PSMA8: variants seen among roughly 807,000 people sequenced by gnomAD.
PSMA8 encodes proteasome subunit alpha-type 8.
Under a neutral mutation model 32.4 loss-of-function variants are expected in PSMA8, and 18 were observed. That is an observed-to-expected ratio of 0.56 (90% CI 0.38 to 0.82). PSMA8 has a LOEUF of 0.82. Ranked by LOEUF, PSMA8 falls within the 40% of genes least tolerant of loss-of-function variation. The pLI is 0.00. For missense variants in PSMA8, 298 were observed against 300.7 expected, an observed-to-expected ratio of 0.99 and a Z score of 0.07; for synonymous variants, 104 against 98.1, an observed-to-expected ratio of 1.06 and a Z score of -0.36.
intron 4 of PSMA8, among the ~76,000 whole-genome samples, chr18:26,175,642 T>C (rs1197508417): frequency 6.6e-6 from 1 of 152,194 alleles, no homozygotes; most frequent in African/African-American, 2.4e-5. Context: ...GGTTTTTGTT[T>C]CTGGAGGTGT....
intron 4 of PSMA8, among the ~76,000 whole-genome samples, chr18:26,158,644 A>C (rs1298174261): frequency 6.6e-6 from 1 of 152,234 alleles, no homozygotes; most frequent in Non-Finnish European, 1.5e-5. Context: ...CCATTCTAGG[A>C]GAGTCAGAGC....
intron 4 of PSMA8, among the ~76,000 whole-genome samples, chr18:26,160,142 AAC>A (rs2055123992): frequency 6.6e-6 from 1 of 152,078 alleles, no homozygotes; most frequent in Non-Finnish European, 1.5e-5. Flanking sequence ...CTTCTACAAA[AAC>A]AATTTAAATC....
chr18:26,134,363 GTCTC>G (rs981617570), intron 1 of PSMA8, among the ~76,000 whole-genome samples: 5 of 123,208 alleles, frequency 4.1e-5, no homozygotes, highest in Non-Finnish European at 6.4e-5. Context: ...GTGTGTGTGT[GTCTC>G]TGTGTGTGTG....
chr18:26,136,969 A>G (rs1046743457), intron 1 of PSMA8, among the ~76,000 whole-genome samples: 8 of 152,218 alleles, frequency 5.3e-5, no homozygotes, highest in Admixed American at 5.2e-4. Context: ...CTGGAGAGTG[A>G]TGGAACCCAT....
intron 6 of PSMA8, among the ~76,000 whole-genome samples, chr18:26,190,765 A>T (rs1284577009): frequency 6.6e-6 from 1 of 152,220 alleles, no homozygotes; most frequent in Non-Finnish European, 1.5e-5. Context: ...GGAAAAAGAA[A>T]GTGAAAGACA....
intron 4 of PSMA8, among the ~76,000 whole-genome samples, chr18:26,162,218 TA>T (rs1273865660): frequency 6.6e-6 from 1 of 152,214 alleles, no homozygotes; most frequent in Non-Finnish European, 1.5e-5. Flanking sequence ...AGTACGTTAT[TA>T]ATAACTGTAG....
At chr18:26,181,995 C>A (rs2144350610) in intron 6 of PSMA8, among the ~76,000 whole-genome samples, 1 of 151,924 alleles carries the variant, frequency 6.6e-6, no homozygotes, top group Non-Finnish European at 1.5e-5. Flanking sequence ...ATCAAACCAG[C>A]CACAACATTC....
chr18:26,171,171 G>A, intron 4 of PSMA8: 4 of 1,558,976 alleles, frequency 2.6e-6, no homozygotes, highest in Non-Finnish European at 3.4e-6. Context: ...AGAGGTTGTG[G>A]TCATTCTCTG....
chr18:26,192,251 C>A, intron 6 of PSMA8, 68 bp from the exon 7 acceptor site: 1 of 1,167,796 alleles, frequency 8.6e-7, no homozygotes. Context: ...TATTGGAATT[C>A]TTCATATTGT....
chr18:26,144,702 A>C lies in PSMA8; in HGVS notation c.229+17A>C. 6.2e-7 allele frequency: 1 copy of C among 1,612,866 alleles called. No individual in the cohort carries two copies. The highest frequency in any genetic ancestry group is 8.5e-7 in the Non-Finnish European group (1 of 1,179,160). ...CTTTTGCAGGTACTTAAGGTCCTAC[A>C]ATAATGATGCATAGTGTCTTACTGT... On this transcript the variant is annotated intron_variant, in intron 2 of 6. Transcript: ENST00000415576.
intron 1 of PSMA8, among the ~76,000 whole-genome samples, chr18:26,136,795 C>T (rs1385256870): frequency 2.0e-5 from 3 of 152,110 alleles, no homozygotes; most frequent in Non-Finnish European, 4.4e-5. Context: ...TTCTACTGCA[C>T]AATATACAGT....
At chr18:26,185,962 A>G (rs992216946) in intron 6 of PSMA8, among the ~76,000 whole-genome samples, 1 of 150,228 alleles carries the variant, frequency 6.7e-6, no homozygotes, top group Non-Finnish European at 1.5e-5. Flanking sequence ...GGAGCTCTGG[A>G]TGGGCATGGT....
At chr18:26,149,357 GATT>G (rs2055027709) in intron 2 of PSMA8, among the ~76,000 whole-genome samples, 1 of 152,138 alleles carries the variant, frequency 6.6e-6, no homozygotes, top group Non-Finnish European at 1.5e-5. Flanking sequence ...GAAGACTCAG[GATT>G]ATTAACATGT....
At chr18:26,164,318 C>T (rs958044947) in intron 4 of PSMA8, among the ~76,000 whole-genome samples, 6 of 152,026 alleles carry the variant, frequency 3.9e-5, no homozygotes, top group Non-Finnish European at 7.4e-5. Context: ...GGGAGAGGGA[C>T]GATCAAGAAT....
At chr18:26,175,811 T>C (rs1352238088) in intron 4 of PSMA8, among the ~76,000 whole-genome samples, 1 of 152,198 alleles carries the variant, frequency 6.6e-6, no homozygotes, top group East Asian at 1.9e-4. Context: ...TTGTCTCTTT[T>C]AGTCTTAGTC....
At chr18:26,140,827 C>G (rs1436054175) in intron 1 of PSMA8, among the ~76,000 whole-genome samples, 3 of 152,192 alleles carry the variant, frequency 2.0e-5, no homozygotes, top group African/African-American at 7.2e-5. Flanking sequence ...CATGAACCCT[C>G]TAGGTCTGAC....
chr18:26,178,717 G>C (rs946113239), intron 4 of PSMA8, 113 bp from the exon 5 acceptor site: 9 of 883,622 alleles, frequency 1.0e-5, no homozygotes, highest in Non-Finnish European at 1.5e-5. Context: ...ATTTTCATTT[G>C]GTAATTTTAT....
intron 4 of PSMA8, among the ~76,000 whole-genome samples, chr18:26,160,718 G>C (rs1416359320): frequency 6.6e-6 from 1 of 152,268 alleles, no homozygotes; most frequent in Non-Finnish European, 1.5e-5. Context: ...TAGAGGAAAA[G>C]ATAGAATGGG....
intron 6 of PSMA8, among the ~76,000 whole-genome samples, chr18:26,186,068 G>C (rs149150399): frequency 6.7e-6 from 1 of 148,624 alleles, no homozygotes; most frequent in South Asian, 2.1e-4. Context: ...GTGAAACCCC[G>C]TCTCTACTAA....
Sources: allele counts gnomAD v4.1 joint callset (sites outside exome capture counted in the v4.1 genomes callset), GRCh38; gene constraint gnomAD v4.1.1; transcripts MANE v1.5; gene names NCBI Gene and HGNC (gene_info 2026-07-23, HGNC 2026-07-21).